BCL7C: variants seen among roughly 807,000 people sequenced by gnomAD.
BCL7C encodes B-cell CLL/lymphoma 7 protein family member C.
BCL7C carries 8 observed loss-of-function variants against 26.2 expected under a neutral mutation model. The ratio of observed to expected loss-of-function variants is 0.30; its 90% CI spans 0.18 to 0.55. BCL7C has a LOEUF of 0.55. Ranked by LOEUF, BCL7C falls within the 20% of genes least tolerant of loss-of-function variation. The pLI is 0.93. For synonymous variants in BCL7C, 90 were observed against 116.5 expected (o/e 0.77, Z 1.47); for missense variants, 262 against 298.5 (o/e 0.88, Z 0.90).
At chr16:30,839,383 C>T (rs147149142) in intron 5 of BCL7C, among the ~76,000 whole-genome samples, 5 of 152,146 alleles carry the variant, frequency 3.3e-5, no homozygotes, top group Admixed American at 6.6e-5. Context: ...ATAGATGCTC[C>T]CCTCAAGATT....
At chr16:30,883,759 C>T (rs1410913084), downstream of BCL7C, among the ~76,000 whole-genome samples, 5 of 147,876 alleles carry the variant, frequency 3.4e-5, no homozygotes, top group South Asian at 4.3e-4. Flanking sequence ...TCAAGTGATC[C>T]GCCTGCCTTG....
downstream of BCL7C, among the ~76,000 whole-genome samples, chr16:30,887,116 C>T (rs914062090): frequency 2.0e-5 from 3 of 152,138 alleles, no homozygotes; most frequent in African/African-American, 7.2e-5. Context: ...TGAGACCAGC[C>T]TGGCCAACAT....
chr16:30,868,253 G>A (rs1415722863), intron 5 of BCL7C, among the ~76,000 whole-genome samples: 3 of 146,070 alleles, frequency 2.1e-5, no homozygotes, highest in Non-Finnish European at 3.0e-5. Flanking sequence ...TCAGCCTCCC[G>A]AGTAGCTGGG....
At chr16:30,876,518 C>T (rs965941356) in intron 5 of BCL7C, among the ~76,000 whole-genome samples, 1 of 152,148 alleles carries the variant, frequency 6.6e-6, no homozygotes, top group African/African-American at 2.4e-5. Context: ...GTATGCCAGG[C>T]ACCACACTAG....
At chr16:30,863,447 C>T (rs1311748896) in intron 5 of BCL7C, among the ~76,000 whole-genome samples, 2 of 152,148 alleles carry the variant, frequency 1.3e-5, no homozygotes, top group Non-Finnish European at 2.9e-5. Context: ...ACACAAGGGT[C>T]CTCCATCATT....
rs564715333 is a variant in BCL7C at position 30,838,922 on chromosome 16, G to A, written c.529-3774C>T. ...TTTTATTTCAAACTTTCCCCAAATC[G>A]TTAACAGATAAATCAATGAAGAATG... is the stretch of plus-strand genomic sequence containing the variant. On this transcript the variant is annotated intron_variant, in intron 5 of 5. Coordinates refer to the BCL7C transcript ENST00000380317. 7.9e-5 allele frequency among the ~76,000 whole-genome samples: 12 copies of A among 152,130 alleles called. No homozygotes were observed. In the South Asian group the frequency reaches 2.3e-3, roughly 29 times the overall value.
intron 5 of BCL7C, among the ~76,000 whole-genome samples, chr16:30,880,665 G>T (rs890478845): frequency 6.6e-6 from 1 of 152,036 alleles, no homozygotes; most frequent in Admixed American, 6.6e-5. Flanking sequence ...GTTTCCTTAT[G>T]CAGATGTATG....
At position 30,846,570 on chromosome 16, in the gene BCL7C, T is replaced by C. The variant is rs969137545; in HGVS notation, c.529-11422A>G. Among the ~76,000 whole-genome samples, 5 of 152,190 alleles carry C rather than the reference T, an allele frequency of 3.3e-5. No individual in the cohort carries two copies. In the East Asian group the frequency reaches 9.6e-4, roughly 29 times the overall value. ...TTTGTAGAGATGAGGTCTTACTATA[T>C]TGCCCAGGCTCTCTGTATTCTTTAG... On this transcript the variant is annotated intron_variant, in intron 5 of 5. Transcript: ENST00000380317.
intron 5 of BCL7C, among the ~76,000 whole-genome samples, chr16:30,866,905 T>A (rs2054834612): frequency 6.6e-6 from 1 of 151,976 alleles, no homozygotes; most frequent in African/African-American, 2.4e-5. Context: ...AGTTTAAAAA[T>A]CAGCTGAGCA....
intron 5 of BCL7C, among the ~76,000 whole-genome samples, chr16:30,856,164 G>A (rs958290614): frequency 2.0e-5 from 3 of 151,356 alleles, no homozygotes; most frequent in Non-Finnish European, 2.9e-5. Context: ...AACCAAAGTC[G>A]GGTGCAGTGG....
chr16:30,878,833 A>T (rs1276412434), intron 5 of BCL7C, among the ~76,000 whole-genome samples: 1 of 149,278 alleles, frequency 6.7e-6, no homozygotes, highest in Non-Finnish European at 1.5e-5. Flanking sequence ...ACAAAGCGAG[A>T]CTCCGTCTCA....
chr16:30,844,437 T>A lies in BCL7C; in HGVS notation c.529-9289A>T, dbSNP rs1391806509. 2.0e-5 allele frequency among the ~76,000 whole-genome samples: 3 copies of A among 151,520 alleles called. No individual in the cohort carries two copies. In the East Asian group the frequency reaches 5.8e-4, roughly 29 times the overall value. ...AATTTGCTCCAAGAAAGATACTGTA[T>A]CTGGGAACAGCAGCTACAATTGGAG... On this transcript the variant is annotated intron_variant, in intron 5 of 5. Transcript: ENST00000380317.
intron 5 of BCL7C, among the ~76,000 whole-genome samples, chr16:30,866,785 G>A (rs927200443): frequency 4.6e-5 from 7 of 152,128 alleles, no homozygotes; most frequent in South Asian, 2.1e-4. Context: ...TGGGCGTGCC[G>A]TCTCATGCCT....
intron 5 of BCL7C, among the ~76,000 whole-genome samples, chr16:30,869,179 G>A (rs1271018729): frequency 3.9e-5 from 6 of 152,040 alleles, no homozygotes; most frequent in African/African-American, 9.7e-5. Flanking sequence ...GGGGCCTATC[G>A]CTTTCCCTCT....
intron 5 of BCL7C, among the ~76,000 whole-genome samples, chr16:30,843,842 C>T (rs1337020298): frequency 6.6e-6 from 1 of 151,496 alleles, no homozygotes; most frequent in Admixed American, 6.6e-5. Context: ...GAGTTGGAGA[C>T]CAGCCTGGCC....
downstream of BCL7C, among the ~76,000 whole-genome samples, chr16:30,883,072 T>C (rs181419984): frequency 1.4e-4 from 21 of 152,006 alleles, no homozygotes; most frequent in East Asian, 3.9e-3. Context: ...GAACTGTTGA[T>C]TCAAAGGGCA....
intron 5 of BCL7C, among the ~76,000 whole-genome samples, chr16:30,868,163 TG>T (rs1354705088): frequency 1.4e-5 from 2 of 146,058 alleles, no homozygotes; most frequent in African/African-American, 5.1e-5. Flanking sequence ...AGTCTTGCTC[TG>T]TCACCCAGGC....
intron 5 of BCL7C, among the ~76,000 whole-genome samples, chr16:30,844,886 T>C (rs999089056): frequency 6.6e-6 from 1 of 152,224 alleles, no homozygotes; most frequent in East Asian, 1.9e-4. Context: ...TAGAGGGCGC[T>C]GGTGGGACAT....
At chr16:30,835,008 G>C in exon 6 of BCL7C, 1 of 1,548,872 alleles carries the variant, frequency 6.5e-7, no homozygotes, top group East Asian at 2.4e-5. Context: ...TGCCTCCCCC[G>C]GGAGCTCTGG....
Sources: gnomAD v4.1 joint callset for allele counts (sites outside exome capture counted in the v4.1 genomes callset) on GRCh38, gnomAD v4.1.1 for gene constraint, MANE v1.5 for transcripts, NCBI Gene and HGNC (gene_info 2026-07-23, HGNC 2026-07-21) for gene names.